Variants in PIBF1 observed in about 807,000 individuals in gnomAD.
PIBF1 encodes progesterone immunomodulatory binding factor 1.
Under a neutral mutation model 112.5 loss-of-function variants are expected in PIBF1, and 90 were observed. The ratio of observed to expected loss-of-function variants is 0.80; its 90% CI spans 0.67 to 0.95. PIBF1 has a LOEUF of 0.95. Among genes scored for constraint, PIBF1 ranks in the 40% least tolerant of loss-of-function variants. The pLI is 0.00. For synonymous variants in PIBF1, 301 were observed against 288.6 expected (o/e 1.04, Z -0.44); for missense variants, 915 against 852.3 (o/e 1.07, Z -0.92).
chr13:72,943,607 G>A lies in PIBF1; in HGVS notation c.1833+12340G>A, dbSNP rs945839218. Among the ~76,000 whole-genome samples, 4 of 152,164 alleles carry A rather than the reference G, an allele frequency of 2.6e-5. No individual in the cohort carries two copies. The East Asian group carries it at 7.7e-4, about 29-fold the overall frequency. ...CAGATTCTTTAGCGTGGCATAGATG[G>A]CCAATTTGATTCTAATCTACTTCTC... On this transcript the variant is annotated intron_variant, in intron 14 of 17. Coordinates refer to ENST00000326291, the MANE Select transcript of PIBF1 (RefSeq NM_006346.4).
At chr13:72,833,171 C>T (rs1163284939) in intron 8 of PIBF1, among the ~76,000 whole-genome samples, 1 of 152,180 alleles carries the variant, frequency 6.6e-6, no homozygotes, top group African/African-American at 2.4e-5. Flanking sequence ...ATTTGTCTAA[C>T]CTTTTTTCAA....
At chr13:72,851,704 AG>A (rs1385230633) in intron 9 of PIBF1, among the ~76,000 whole-genome samples, 14 of 152,238 alleles carry the variant, frequency 9.2e-5, no homozygotes, top group Non-Finnish European at 1.8e-4. Context: ...GAACGGAGTG[AG>A]AACTTACAGT....
chr13:72,875,242 T>C (rs1195777599), intron 10 of PIBF1, among the ~76,000 whole-genome samples: 1 of 152,220 alleles, frequency 6.6e-6, no homozygotes, highest in African/African-American at 2.4e-5. Context: ...TCATAGCTCA[T>C]ATCTTTCAGT....
At chr13:72,977,762 G>A (rs902436848) in intron 16 of PIBF1, among the ~76,000 whole-genome samples, 18 of 152,250 alleles carry the variant, frequency 1.2e-4, no homozygotes, top group Middle Eastern at 6.8e-3. Flanking sequence ...GAGTTAGGGT[G>A]TGGTGTGACA....
At chr13:72,946,765 C>T (rs993923184) in intron 14 of PIBF1, among the ~76,000 whole-genome samples, 1 of 152,216 alleles carries the variant, frequency 6.6e-6, no homozygotes, top group East Asian at 1.9e-4. Flanking sequence ...GAAATGACCT[C>T]CTTTGACTCC....
chr13:72,826,577 C>T (rs985382505), intron 6 of PIBF1, among the ~76,000 whole-genome samples: 6 of 151,734 alleles, frequency 4.0e-5, no homozygotes, highest in Non-Finnish European at 7.4e-5. Flanking sequence ...ATGAAATAGT[C>T]ACAAGAATGC....
intron 11 of PIBF1, among the ~76,000 whole-genome samples, chr13:72,897,461 A>G (rs1175027623): frequency 6.6e-6 from 1 of 152,228 alleles, no homozygotes; most frequent in Non-Finnish European, 1.5e-5. Context: ...ATGGTACCTC[A>G]CATTTCAGTA....
intron 14 of PIBF1, among the ~76,000 whole-genome samples, chr13:72,931,961 A>C (rs1231964931): frequency 4.8e-4 from 53 of 110,278 alleles, no homozygotes; most frequent in African/African-American, 1.9e-3. Context: ...TTTTTTTCTG[A>C]GACAGGGTCT....
At chr13:72,868,294 C>G (rs1252325718) in intron 10 of PIBF1, among the ~76,000 whole-genome samples, 1 of 148,954 alleles carries the variant, frequency 6.7e-6, no homozygotes, top group African/African-American at 2.5e-5. Context: ...GAATAAAACC[C>G]TGTCTCTTTA....
chr13:72,929,036 C>T (rs560086125), intron 13 of PIBF1, among the ~76,000 whole-genome samples: 1 of 152,248 alleles, frequency 6.6e-6, no homozygotes, highest in East Asian at 1.9e-4. Flanking sequence ...ACTGAGTATA[C>T]ACATACTTGT....
chr13:72,877,924 T>C (rs944839604), intron 10 of PIBF1, among the ~76,000 whole-genome samples: 1 of 151,954 alleles, frequency 6.6e-6, no homozygotes, highest in African/African-American at 2.4e-5. Context: ...TAATTTTGTA[T>C]TTTTAGTAGA....
intron 14 of PIBF1, among the ~76,000 whole-genome samples, chr13:72,965,002 C>A (rs2042702259): frequency 6.6e-6 from 1 of 152,128 alleles, no homozygotes; most frequent in South Asian, 2.1e-4. Flanking sequence ...GCGGAGGTTG[C>A]AGTGAGCCGA....
chr13:72,978,355 G>A (rs2043075699), intron 16 of PIBF1, among the ~76,000 whole-genome samples: 1 of 152,174 alleles, frequency 6.6e-6, no homozygotes, highest in Admixed American at 6.5e-5. Flanking sequence ...TGAAACTGAT[G>A]CTGATAAGAG....
chr13:72,933,146 T>G (rs1385232281), intron 14 of PIBF1, among the ~76,000 whole-genome samples: 1 of 152,250 alleles, frequency 6.6e-6, no homozygotes, highest in Non-Finnish European at 1.5e-5. Context: ...ATCCCTCATG[T>G]TGCCTTTAAT....
chr13:73,015,082 A>AGCCAAAATAGGAACTT (rs1385377623), intron 17 of PIBF1, among the ~76,000 whole-genome samples: 1 of 152,058 alleles, frequency 6.6e-6, no homozygotes. Flanking sequence ...CACCGCGCCC[A>AGCCAAAATAGGAACTT]TCGTCAAGTG....
chr13:72,989,366 G>T (rs1393502567), intron 16 of PIBF1, among the ~76,000 whole-genome samples: 1 of 151,810 alleles, frequency 6.6e-6, no homozygotes, highest in Admixed American at 6.6e-5. Context: ...ACAAAATTTG[G>T]TATATCCATG....
intron 12 of PIBF1, among the ~76,000 whole-genome samples, chr13:72,912,395 A>G (rs1355605305): frequency 1.3e-5 from 2 of 152,198 alleles, no homozygotes; most frequent in Non-Finnish European, 2.9e-5. Flanking sequence ...AAAGGAAGAC[A>G]TGTGAATGAC....
At chr13:72,791,082 TCTCA>T (rs1395733177) in intron 2 of PIBF1, among the ~76,000 whole-genome samples, 1 of 149,548 alleles carries the variant, frequency 6.7e-6, no homozygotes, top group Non-Finnish European at 1.5e-5. Context: ...TTAGATGGAG[TCTCA>T]CTCTGTCGCC....
intron 14 of PIBF1, among the ~76,000 whole-genome samples, chr13:72,934,987 T>C (rs2041823010): frequency 6.6e-6 from 1 of 152,020 alleles, no homozygotes; most frequent in African/African-American, 2.4e-5. Context: ...GTCTGTTTGT[T>C]TGTTTGTTTG....
Sources: gnomAD v4.1 joint callset for allele counts (sites outside exome capture counted in the v4.1 genomes callset) on GRCh38, gnomAD v4.1.1 for gene constraint, MANE v1.5 for transcripts, NCBI Gene and HGNC (gene_info 2026-07-23, HGNC 2026-07-21) for gene names.